ZER1: variants seen among roughly 807,000 people sequenced by gnomAD.
ZER1 encodes zyg-11 related cell cycle regulator, also known as protein zer-1 homolog.
In ZER1, 11 loss-of-function variants were observed where a neutral mutation model predicts 78.8. The ratio of observed to expected loss-of-function variants is 0.14; its 90% CI spans 0.09 to 0.23. The LOEUF is 0.23. Ranked by LOEUF, ZER1 falls within the 10% of genes least tolerant of loss-of-function variation. The probability of loss-of-function intolerance (pLI) is 1.00; values close to 1 mark genes in which losing one functional copy is unlikely to be tolerated. For missense variants in ZER1, 588 were observed against 996.9 expected (o/e 0.59, Z 5.52); for synonymous variants, 400 against 407.0 (o/e 0.98, Z 0.21).
chr9:128,759,513 C>T (rs1023088338), intron 1 of ZER1, among the ~76,000 whole-genome samples: 1 of 149,800 alleles, frequency 6.7e-6, no homozygotes, highest in Non-Finnish European at 1.5e-5. Flanking sequence ...AAGAAAATGG[C>T]GGCTGGGCAT....
At chr9:128,733,383 C>G (rs1213433008) in intron 15 of ZER1, 43 bp downstream of exon 15, 2 of 1,595,488 alleles carry the variant, frequency 1.3e-6, no homozygotes, top group South Asian at 1.1e-5. Context: ...CCTTACTCCC[C>G]TAAACCAAGG....
Position 128,731,346 on chromosome 9 carries a change from C to T in ZER1, c.2292G>A (p.Thr764=), listed in dbSNP as rs770759318. Residue 764 remains threonine, a synonymous_variant, in exon 16 of 16, where the codon ACG becomes ACA. Coordinates refer to ENST00000291900, the MANE Select transcript of ZER1 (RefSeq NM_006336.4). ...CSNFKEENMD[T]SR ...ATGGGGACGGAGGCCTCTATCTAGA[C>T]GTGTCCATGTTCTCCTCTTTAAAGT... The T allele has an allele frequency of 1.4e-5, 21 of 1,522,868 alleles. No homozygotes were observed. The highest frequency in any genetic ancestry group is 3.6e-5 in the Admixed American group (2 of 56,336). 94.3% of individuals were successfully genotyped at this position (1,522,868 alleles called of 1,614,324 possible).
At chr9:128,739,517 A>G (rs1358638472) in intron 13 of ZER1, among the ~76,000 whole-genome samples, 2 of 151,028 alleles carry the variant, frequency 1.3e-5, no homozygotes, top group Non-Finnish European at 3.0e-5. Flanking sequence ...AAAAAAAAAA[A>G]GAAAAGAAAG....
intron 13 of ZER1, among the ~76,000 whole-genome samples, chr9:128,736,530 ACTACAGGTGCATG>A (rs1863088050): frequency 6.7e-6 from 1 of 150,240 alleles, no homozygotes; most frequent in Non-Finnish European, 1.5e-5. Flanking sequence ...AGTAGCTGGG[ACTACAGGTGCATG>A]CCACCATGCC....
intron 1 of ZER1, among the ~76,000 whole-genome samples, chr9:128,759,822 T>C (rs891752967): frequency 2.6e-5 from 4 of 152,094 alleles, no homozygotes; most frequent in African/African-American, 9.7e-5. Flanking sequence ...TTAATCAGAC[T>C]CTATACTCAT....
At position 128,741,884 on chromosome 9, in the gene ZER1, G is replaced by C. The variant is rs781382041; in HGVS notation, c.1576-43C>G. 9 of 1,613,962 alleles carry C rather than the reference G, an allele frequency of 5.6e-6. No homozygotes were observed. In the Admixed American group the frequency reaches 1.5e-4, roughly 27 times the overall value. The stretch of plus-strand genomic sequence containing the variant: ...AGTCTGCTAGAGTGCTGGGGCTGAA[G>C]AACTCCCACCCCCACGAACCCAAGA... On this transcript the variant is annotated intron_variant, in intron 9 of 15. Transcript: ENST00000291900.
chr9:128,742,815 C>A (rs1266256931), intron 8 of ZER1, 70 bp from the exon 9 acceptor site: 14 of 1,467,966 alleles, frequency 9.5e-6, no homozygotes, highest in Non-Finnish European at 1.3e-5. Context: ...TAGGAACTAT[C>A]TAGAGGTATG....
chr9:128,769,363 C>T (rs902517652), intron 1 of ZER1, among the ~76,000 whole-genome samples: 1 of 152,130 alleles, frequency 6.6e-6, no homozygotes, highest in African/African-American at 2.4e-5. Flanking sequence ...GCACTTCAGC[C>T]CATGATTTTA....
At chr9:128,736,518 C>G (rs1863087503) in intron 13 of ZER1, among the ~76,000 whole-genome samples, 1 of 151,460 alleles carries the variant, frequency 6.6e-6, no homozygotes, top group African/African-American at 2.4e-5. Flanking sequence ...CTCAGCCTCC[C>G]GAGTAGCTGG....
chr9:128,764,728 C>G (rs1864152845), intron 1 of ZER1, among the ~76,000 whole-genome samples: 1 of 152,204 alleles, frequency 6.6e-6, no homozygotes, highest in Admixed American at 6.5e-5. Flanking sequence ...CTACTCCACT[C>G]TACCTACTCC....
At chr9:128,733,956 C>T (rs1328268189) in intron 14 of ZER1, among the ~76,000 whole-genome samples, 41 of 129,826 alleles carry the variant, frequency 3.2e-4, no homozygotes, top group Admixed American at 2.8e-3. Flanking sequence ...GGTGAAACCC[C>T]GTCTCTACTA....
intron 14 of ZER1, among the ~76,000 whole-genome samples, chr9:128,734,122 C>T (rs1256839530): frequency 2.8e-4 from 1 of 3,564 alleles, no homozygotes; most frequent in Non-Finnish European, 7.8e-4. Flanking sequence ...AGCAAAACTC[C>T]GTCTCAAAAA....
At chr9:128,734,148 T>TAA (rs1862965114) in intron 14 of ZER1, among the ~76,000 whole-genome samples, 1 of 42,834 alleles carries the variant, frequency 2.3e-5, no homozygotes, top group African/African-American at 6.0e-5. Flanking sequence ...AAAAAAAATA[T>TAA]ATATATATAT....
At chr9:128,756,849 T>C (rs1192443589) in intron 1 of ZER1, among the ~76,000 whole-genome samples, 1 of 152,246 alleles carries the variant, frequency 6.6e-6, no homozygotes, top group Non-Finnish European at 1.5e-5. Flanking sequence ...TGGAATTATA[T>C]ACTTTATATG....
chr9:128,769,414 CTT>C (rs1017114428), intron 1 of ZER1, among the ~76,000 whole-genome samples: 10 of 145,478 alleles, frequency 6.9e-5, no homozygotes, highest in Non-Finnish European at 6.1e-5. Flanking sequence ...TTCTTTCTTT[CTT>C]TTTTTTTTTT....
chr9:128,753,844 C>T lies in ZER1; in HGVS notation c.274G>A (p.Val92Met), dbSNP rs1413326433. The change falls in exon 3 of 16, where the codon GTG becomes ATG. Residue 92 changes from valine to methionine, a missense_variant. Around this residue, in one of 3 missense-constraint regions of ZER1, gnomAD observed 406 missense variants for 660.1 expected, o/e 0.62. Coordinates refer to ENST00000291900, the MANE Select transcript of ZER1 (RefSeq NM_006336.4). The surrounding 1 kb of genome is among the most constrained non-coding windows in gnomAD (Gnocchi z 7.5). ...LTRIHLREDL[V>M]QDQDLEAIRK... ...ATGGCCTCCAGGTCCTGGTCCTGCA[C>T]CAGGTCCTCACGGAGGTGGATCCGC... The T allele has an allele frequency of 1.2e-5, 20 of 1,602,396 alleles. No homozygotes were observed. Among genetic ancestry groups the T allele is most frequent in the East Asian group, 6.8e-5 (3 of 44,436 alleles).
In ZER1 at chr9:128,740,596, ATATAAT is replaced by A. The variant is rs1384631236; in HGVS notation, c.1853+170_1853+175del. 6.6e-6 allele frequency among the ~76,000 whole-genome samples: 1 copy of A among 151,598 alleles called. No individual in the cohort carries two copies. Among genetic ancestry groups the A allele is most frequent in the Admixed American group, 6.6e-5 (1 of 15,226 alleles). On this transcript the variant is annotated intron_variant, in intron 12 of 15. Transcript: ENST00000291900. This position sits in a 1 kb window ranked among gnomAD's most constrained non-coding sequence, Gnocchi z 4.4. ...CTCCATCTCAAAAAAAAAAAAAAAG[ATATAAT>A]TACAAAAGGACCACTTACGAAGGAT... is the stretch of plus-strand genomic sequence containing the variant.
Position 128,750,772 on chromosome 9 carries a change from G to C in ZER1, c.1203C>G (p.Leu401=), listed in dbSNP as rs1863649971. ...LRALKLVITA[L]KCHKYDRNIQ... ...TGTTCCTGTCATATTTGTGGCACTT[G>C]AGGGCCGTGATGACCAGCTGTATGA... The change falls in exon 8 of 16, where the codon CTC becomes CTG. Residue 401 remains leucine (L), a synonymous_variant. Coordinates refer to ENST00000291900, the MANE Select transcript of ZER1 (RefSeq NM_006336.4). 6.2e-7 allele frequency: 1 copy of C among 1,614,090 alleles called. No homozygotes were observed. Among genetic ancestry groups the C allele is most frequent in the African/African-American group, 1.3e-5 (1 of 74,934 alleles).
chr9:128,743,627 C>G (rs985198877), intron 8 of ZER1, among the ~76,000 whole-genome samples: 3 of 151,972 alleles, frequency 2.0e-5, no homozygotes, highest in Non-Finnish European at 2.9e-5. Context: ...ACTATGTTGT[C>G]CAGGCTGGCC....
Sources: gnomAD v4.1 joint callset for allele counts (sites outside exome capture counted in the v4.1 genomes callset) on GRCh38, gnomAD v4.1.1 for gene constraint, gnomAD v4.1.1 regional missense constraint, Gnocchi (gnomAD v3.1) non-coding constraint, MANE v1.5 for transcripts, NCBI Gene and HGNC (gene_info 2026-07-23, HGNC 2026-07-21) for gene names.